Variants in RND2 observed in about 807,000 individuals in gnomAD.
RND2 encodes Rho family GTPase 2.
A neutral mutation model predicts 25.9 loss-of-function variants in RND2; 16 were observed. The observed-to-expected ratio is 0.62, with a 90% CI of 0.42 to 0.94. The LOEUF (loss-of-function observed/expected upper bound fraction) is 0.94, where lower values mean the gene tolerates loss of function less well. RND2 is among the 40% of genes least tolerant of loss of function. The pLI is 0.00. For missense variants in RND2, 276 were observed against 305.5 expected, an observed-to-expected ratio of 0.90 and a Z score of 0.72; for synonymous variants, 97 against 118.1, an observed-to-expected ratio of 0.82 and a Z score of 1.16.
rs1386588363 is a variant in RND2 at position 43,030,622 on chromosome 17, AGAG to A, written c.*1946_*1948del. 7.9e-5 allele frequency: 12 copies of A among 152,400 alleles called. No homozygotes were observed. The highest frequency in any genetic ancestry group is 2.2e-4 in the African/African-American group (9 of 41,428). 9.4% of individuals were successfully genotyped at this position (152,400 alleles called of 1,614,324 possible). ...CTGTGAGCCAGGTCCTGAGGGTTGA[AGAG>A]GAGTTTTCCGGGCAGGGAAGGGGTA... On this transcript the variant is annotated 3_prime_UTR_variant, in exon 5 of 5. Coordinates refer to ENST00000587250, the MANE Select transcript of RND2 (RefSeq NM_005440.5).
In RND2 at chr17:43,028,728, T is replaced by G. The variant is rs1479596995; in HGVS notation, c.*48T>G. On this transcript the variant is annotated 3_prime_UTR_variant, in exon 5 of 5. Transcript: ENST00000587250. ...TGAAGAGGGGTGGTGAGGGACACAA[T>G]TGTTCCCCTGCCTGCGCCCAGGCTT... The G allele has an allele frequency of 3.3e-6, 5 of 1,510,374 alleles. No individual in the cohort carries two copies. Among genetic ancestry groups the G allele is most frequent in the Non-Finnish European group, 4.4e-6 (5 of 1,125,690 alleles). The allele number at this position is 1,510,374 out of a possible 1,614,324, so 93.6% of individuals were successfully genotyped here. A position where few individuals can be genotyped will look rare whatever the true frequency, so the allele number is the denominator to read the frequency against.
Position 43,028,567 on chromosome 17 carries a change from C to T in RND2, c.571C>T (p.Arg191Ter), listed in dbSNP as rs753732943. ...SLGRGHRQLR[R>*]TDSRRGMQRS... ...TGGCCGTGGCCATAGGCAGCTGCGC[C>T]GAACTGACTCACGCCGGGGAATGCA... Residue 191 changes from arginine (R) to a stop codon, truncating the protein, a stop_gained, in exon 5 of 5, where the codon CGA (arginine) becomes TGA (stop). Coordinates refer to ENST00000587250, the MANE Select transcript of RND2 (RefSeq NM_005440.5). LOFTEE classifies it high-confidence loss of function. 8 of 1,614,144 alleles carry T rather than the reference C, an allele frequency of 5.0e-6. No homozygotes were observed. The highest frequency in any genetic ancestry group is 1.1e-5 in the South Asian group (1 of 91,086).
At position 43,028,660 on chromosome 17, in the gene RND2, A is replaced by G; in HGVS notation, c.664A>G (p.Lys222Glu). Residue 222 changes from lysine to glutamate, a missense_variant, in exon 5 of 5, where the codon AAA becomes GAA. Coordinates refer to ENST00000587250, the MANE Select transcript of RND2 (RefSeq NM_005440.5). ...GGGCGAGATACACAAGGATCGAGCC[A>G]AAAGCTGCAACCTCATGTGAGGGGC... ...NEGEIHKDRA[K>E]SCNLM 1.9e-6 allele frequency: 3 copies of G among 1,583,716 alleles called. No individual in the cohort carries two copies. Among genetic ancestry groups the G allele is most frequent in the Non-Finnish European group, 2.6e-6 (3 of 1,164,498 alleles).
At position 43,030,229 on chromosome 17, in the gene RND2, C is replaced by T. The variant is rs530709766; in HGVS notation, c.*1549C>T. 1 of 152,912 alleles carries T rather than the reference C, an allele frequency of 6.5e-6. No individual in the cohort carries two copies. Among genetic ancestry groups the T allele is most frequent in the African/African-American group, 2.4e-5 (1 of 41,454 alleles). The allele number at this position is 152,912 out of a possible 1,614,324, so 9.5% of individuals were successfully genotyped here. ...ATTGTCCTGTATTCCCTTCCTGGCT[C>T]TGGTCCCACTGGCCTCTTTTCGGTG... On this transcript the variant is annotated 3_prime_UTR_variant, in exon 5 of 5. Coordinates refer to ENST00000587250, the MANE Select transcript of RND2 (RefSeq NM_005440.5).
At chr17:43,027,323 C>A in intron 3 of RND2, 31 bp downstream of exon 3, 1 of 1,465,276 alleles carries the variant, frequency 6.8e-7, no homozygotes. Context: ...GGCAGCTAGA[C>A]TGAGGGGGAC....
chr17:43,026,597 C>T (rs2050624891), intron 2 of RND2, among the ~76,000 whole-genome samples: 1 of 152,140 alleles, frequency 6.6e-6, no homozygotes, highest in African/African-American at 2.4e-5. Flanking sequence ...TGCAGTGAGC[C>T]GAGATCATGC....
chr17:43,031,811 G>A lies in RND2; in HGVS notation c.*3131G>A, dbSNP rs554051833. The A allele has an allele frequency of 2.6e-5, 4 of 152,214 alleles. No individual in the cohort carries two copies. The highest frequency in any genetic ancestry group is 9.6e-5 in the African/African-American group (4 of 41,518). 9.4% of individuals were successfully genotyped at this position (152,214 alleles called of 1,614,324 possible). A position where few individuals can be genotyped will look rare whatever the true frequency, so the allele number is the denominator to read the frequency against. On this transcript the variant is annotated 3_prime_UTR_variant, in exon 5 of 5. Transcript: ENST00000587250. ...CCAGACGTTTTATTTCTGGGGAGGA[G>A]GGCTCTGGGCTGAGGAGCTCAGTGG...
Position 43,028,876 on chromosome 17 carries a change from G to T in RND2, c.*196G>T. 1.3e-6 allele frequency: 1 copy of T among 780,004 alleles called. No homozygotes were observed. The highest frequency in any genetic ancestry group is 2.0e-6 in the Non-Finnish European group (1 of 506,390). 48.3% of individuals were successfully genotyped at this position (780,004 alleles called of 1,614,324 possible). On this transcript the variant is annotated 3_prime_UTR_variant, in exon 5 of 5. Coordinates refer to ENST00000587250, the MANE Select transcript of RND2 (RefSeq NM_005440.5). ...TCCTCCTCCCTCCTCTTCTCCAGTG[G>T]ATGTTGAGGGAGCTAACAGGGCTGG...
rs1461496622 is a variant in RND2 at position 43,031,561 on chromosome 17, C to G, written c.*2881C>G. 1 of 152,196 alleles carries G rather than the reference C, an allele frequency of 6.6e-6. No homozygotes were observed. Among genetic ancestry groups the G allele is most frequent in the African/African-American group, 2.4e-5 (1 of 41,428 alleles). The allele number at this position is 152,196 out of a possible 1,614,324, so 9.4% of individuals were successfully genotyped here. ...TGGACTTCTCAGTGTATAGCAGGTT[C>G]AAGCCTGCAACCACCAAAGTGCAGA... On this transcript the variant is annotated 3_prime_UTR_variant, in exon 5 of 5. Coordinates refer to ENST00000587250, the MANE Select transcript of RND2 (RefSeq NM_005440.5).
intron 3 of RND2, 66 bp from the exon 4 acceptor site, chr17:43,027,995 T>G: frequency 6.5e-7 from 1 of 1,542,110 alleles, no homozygotes; most frequent in Middle Eastern, 1.7e-4. Flanking sequence ...ACTGCTGGCA[T>G]GGCACAAAGG....
In RND2 at chr17:43,030,963, A is replaced by C. The variant is rs1406547349; in HGVS notation, c.*2283A>C. 1 of 151,976 alleles carries C rather than the reference A, an allele frequency of 6.6e-6. No homozygotes were observed. Among genetic ancestry groups the C allele is most frequent in the Non-Finnish European group, 1.5e-5 (1 of 67,992 alleles). The allele number at this position is 151,976 out of a possible 1,614,324, so 9.4% of individuals were successfully genotyped here. ...TCTGAGGTGTGTCATTTAAAATAAT[A>C]GCTTCTCGGCAGTGGCTCACACCTA... is the stretch of plus-strand genomic sequence containing the variant. On this transcript the variant is annotated 3_prime_UTR_variant, in exon 5 of 5. Coordinates refer to ENST00000587250, the MANE Select transcript of RND2 (RefSeq NM_005440.5).
rs1198472352 is a variant in RND2, at chr17:43,028,717, G to T, written c.*37G>T. ...AGGGCAGAGTGTGAAGAGGGGTGGT[G>T]AGGGACACAATTGTTCCCCTGCCTG... is the stretch of plus-strand genomic sequence containing the variant. On this transcript the variant is annotated 3_prime_UTR_variant, in exon 5 of 5. Coordinates refer to ENST00000587250, the MANE Select transcript of RND2 (RefSeq NM_005440.5). 1.3e-6 allele frequency: 2 copies of T among 1,523,454 alleles called. No homozygotes were observed. The allele number at this position is 1,523,454 out of a possible 1,614,324, so 94.4% of individuals were successfully genotyped here. A position where few individuals can be genotyped will look rare whatever the true frequency, so the allele number is the denominator to read the frequency against.
intron 1 of RND2, 32 bp from the exon 2 acceptor site, chr17:43,025,928 A>G: frequency 6.5e-7 from 1 of 1,537,428 alleles, no homozygotes; most frequent in Non-Finnish European, 9.0e-7. Flanking sequence ...ACTTGGAGAG[A>G]TGATCTCATC....
At chr17:43,025,866 G>A (rs960137630) in intron 1 of RND2, 94 bp from the exon 2 acceptor site, 7 of 848,684 alleles carry the variant, frequency 8.2e-6, no homozygotes, top group Admixed American at 7.7e-5. Context: ...TGTGTCCAGG[G>A]GCTGGGCTGG....
chr17:43,025,979 T>G lies in RND2; in HGVS notation c.122T>G (p.Phe41Cys), dbSNP rs772107613. The change falls in exon 2 of 5, where the codon TTT becomes TGT. Residue 41 changes from phenylalanine to cysteine, a missense_variant. Physicochemically the swap from Phe to Cys is radical, Grantham distance 205. Transcript: ENST00000587250. ...CTGCAGAGTTATGTCCCCACCGTGTTTGAGAACTACACTGCGAGCTTTGAG... is the reference window on the plus strand; with the variant it reads ...CTGCAGAGTTATGTCCCCACCGTGTGTGAGAACTACACTGCGAGCTTTGAG... ...AYPGSYVPTV[F>C]ENYTASFEID... 1 of 1,612,390 alleles carries G rather than the reference T, an allele frequency of 6.2e-7. No individual in the cohort carries two copies. The highest frequency in any genetic ancestry group is 8.5e-7 in the Non-Finnish European group (1 of 1,178,872).
At chr17:43,027,138 A>G (rs2151974366) in intron 2 of RND2, 45 bp from the exon 3 acceptor site, 2 of 1,284,352 alleles carry the variant, frequency 1.6e-6, no homozygotes, top group East Asian at 2.4e-5. Flanking sequence ...ATTCCCTTCC[A>G]GGCCTCCCAT....
At position 43,028,050 on chromosome 17, in the gene RND2, C is replaced by T. The variant is rs2050638037; in HGVS notation, c.301-11C>T. The stretch of plus-strand genomic sequence containing the variant: ...CACCCCTCCACAATTCTCTTTTCTT[C>T]TCCTACATAGTGGCAAGGAGAGACT... On this transcript the variant is annotated splice_polypyrimidine_tract_variant and intron_variant, in intron 3 of 4. Transcript: ENST00000587250. 1 of 1,611,084 alleles carries T rather than the reference C, an allele frequency of 6.2e-7. No homozygotes were observed. The highest frequency in any genetic ancestry group is 1.3e-5 in the African/African-American group (1 of 74,860).
In RND2 at chr17:43,028,732, T is replaced by C; in HGVS notation, c.*52T>C. ...GAGGGGTGGTGAGGGACACAATTGTTCCCCTGCCTGCGCCCAGGCTTCCTG... is the reference window on the plus strand; with the variant it reads ...GAGGGGTGGTGAGGGACACAATTGTCCCCCTGCCTGCGCCCAGGCTTCCTG... On this transcript the variant is annotated 3_prime_UTR_variant, in exon 5 of 5. Transcript: ENST00000587250. The C allele has an allele frequency of 6.6e-7, 1 of 1,505,002 alleles. No homozygotes were observed. The highest frequency in any genetic ancestry group is 8.9e-7 in the Non-Finnish European group (1 of 1,123,204). 93.2% of individuals were successfully genotyped at this position (1,505,002 alleles called of 1,614,324 possible).
chr17:43,027,040 A>G, intron 2 of RND2, 143 bp from the exon 3 acceptor site: 1 of 499,120 alleles, frequency 2.0e-6, no homozygotes, highest in Non-Finnish European at 3.6e-6. Context: ...CCCAGACTCC[A>G]TGATGGGTAT....
Sources: gnomAD v4.1 joint callset for allele counts (sites outside exome capture counted in the v4.1 genomes callset) on GRCh38, gnomAD v4.1.1 for gene constraint, MANE v1.5 for transcripts, NCBI Gene and HGNC (gene_info 2026-07-23, HGNC 2026-07-21) for gene names.